ACSL3: variants seen among roughly 807,000 people sequenced by gnomAD.
ACSL3 encodes the protein acyl-CoA synthetase long chain family member 3, also known as fatty acid CoA ligase Acsl3.
ACSL3 carries 34 observed loss-of-function variants against 84.7 expected under a neutral mutation model. That is an observed-to-expected ratio of 0.40 (90% CI 0.31 to 0.53). The LOEUF (loss-of-function observed/expected upper bound fraction) is 0.53. Among genes scored for constraint, ACSL3 ranks in the 20% least tolerant of loss-of-function variants. ACSL3 has a pLI of 0.48. For synonymous variants in ACSL3, 315 were observed against 299.4 expected (o/e 1.05, Z -0.54); for missense variants, 680 against 873.1 (o/e 0.78, Z 2.79).
intron 3 of ACSL3, among the ~76,000 whole-genome samples, chr2:222,907,135 G>C (rs1325782858): frequency 6.6e-6 from 1 of 152,144 alleles, no homozygotes; most frequent in Non-Finnish European, 1.5e-5. Context: ...GGCCATCAAT[G>C]TACCCATCAG....
intron 1 of ACSL3, among the ~76,000 whole-genome samples, chr2:222,881,079 T>G (rs537640938): frequency 1.3e-5 from 2 of 151,992 alleles, no homozygotes; most frequent in Admixed American, 6.5e-5. Context: ...GAGCCGTAAA[T>G]GTAAGCCATA....
At chr2:222,903,045 A>C (rs1227658469) in intron 3 of ACSL3, among the ~76,000 whole-genome samples, 1 of 152,232 alleles carries the variant, frequency 6.6e-6, no homozygotes, top group Non-Finnish European at 1.5e-5. Flanking sequence ...AAGAAAAAAA[A>C]GTCAAATCAC....
Position 222,927,023 on chromosome 2 carries a change from T to C in ACSL3, c.1299T>C (p.Val433=). 1 of 1,611,412 alleles carries C rather than the reference T, an allele frequency of 6.2e-7. No homozygotes were observed. The highest frequency in any genetic ancestry group is 1.1e-5 in the South Asian group (1 of 90,886). Residue 433 remains valine, a synonymous_variant, in exon 12 of 17, where the codon GTT becomes GTC. Transcript: ENST00000357430. ...CTCTAATTTTTTTCTTTAGCTTTGT[T>C]TTCCGGAAAGTTCGAAGCTTGCTAG... ...GRNTPLCDSF[V]FRKVRSLLGG...
At chr2:222,870,361 CA>C in intron 1 of ACSL3, among the ~76,000 whole-genome samples, 1 of 152,102 alleles carries the variant, frequency 6.6e-6, no homozygotes, top group East Asian at 1.9e-4. Flanking sequence ...TTTGACATCT[CA>C]ATAAGCAAGA....
At chr2:222,891,257 A>C (rs1695838727) in intron 2 of ACSL3, among the ~76,000 whole-genome samples, 1 of 152,190 alleles carries the variant, frequency 6.6e-6, no homozygotes, top group Admixed American at 6.5e-5. Flanking sequence ...GTATTGTCTT[A>C]ATCAGTTTTG....
At chr2:222,921,111 G>T (rs768638316) in intron 7 of ACSL3, 169 bp from the exon 8 acceptor site, 2 of 758,426 alleles carry the variant, frequency 2.6e-6, no homozygotes, top group Admixed American at 2.0e-5. Context: ...TCTCCCATAC[G>T]TGCAGGGACT....
chr2:222,918,412 T>C (rs1017546465), intron 6 of ACSL3, among the ~76,000 whole-genome samples: 8 of 152,164 alleles, frequency 5.3e-5, no homozygotes, highest in Admixed American at 6.5e-5. Flanking sequence ...TTTTCTCTTA[T>C]TGTGCTCATC....
At position 222,933,285 on chromosome 2, in the gene ACSL3, G is replaced by A. The variant is rs779252048; in HGVS notation, c.1847+5G>A. The A allele has an allele frequency of 6.9e-6, 11 of 1,590,332 alleles. No homozygotes were observed. The South Asian group carries it at 1.1e-4, about 16-fold the overall frequency. On this transcript the variant is annotated splice_donor_5th_base_variant and intron_variant, in intron 15 of 16. Coordinates refer to ENST00000357430, the MANE Select transcript of ACSL3 (RefSeq NM_004457.5). Reference sequence around the variant, plus strand: ...CATTTGTGCATATGCAAACAGGTAAGAACGTGGAATTCATACTACTTTTAC... The same window carrying A: ...CATTTGTGCATATGCAAACAGGTAAAAACGTGGAATTCATACTACTTTTAC...
At chr2:222,911,634 C>T (rs1306388504) in intron 4 of ACSL3, among the ~76,000 whole-genome samples, 1 of 152,114 alleles carries the variant, frequency 6.6e-6, no homozygotes, top group Non-Finnish European at 1.5e-5. Context: ...GTCTTTCAGT[C>T]GTCATTCGGT....
chr2:222,911,368 CTCTGTTCTTGAG>C (rs1696436410), intron 4 of ACSL3, among the ~76,000 whole-genome samples: 1 of 152,110 alleles, frequency 6.6e-6, no homozygotes, highest in African/African-American at 2.4e-5. Context: ...TTTTATGGCA[CTCTGTTCTTGAG>C]TCTGTTTTTG....
intron 16 of ACSL3, among the ~76,000 whole-genome samples, chr2:222,938,157 GT>G (rs1697224327): frequency 6.6e-6 from 1 of 151,936 alleles, no homozygotes; most frequent in South Asian, 2.1e-4. Context: ...TTATGTCTTT[GT>G]TTTTTAAATT....
chr2:222,921,490 A>AT, intron 8 of ACSL3, 60 bp downstream of exon 8: 1 of 1,445,340 alleles, frequency 6.9e-7, no homozygotes, highest in Non-Finnish European at 9.4e-7. Flanking sequence ...TAATGTTAGC[A>AT]TTTGTGTCAT....
intron 1 of ACSL3, among the ~76,000 whole-genome samples, chr2:222,866,438 G>C (rs56937176): frequency 7.2e-5 from 11 of 152,040 alleles, no homozygotes; most frequent in African/African-American, 2.4e-4. Flanking sequence ...GAGCTACTGC[G>C]CTGACTGCAA....
intron 16 of ACSL3, among the ~76,000 whole-genome samples, chr2:222,938,872 T>A (rs1352503200): frequency 6.6e-6 from 1 of 152,176 alleles, no homozygotes; most frequent in Non-Finnish European, 1.5e-5. Context: ...AGATTCTTTT[T>A]TCTACCTGGT....
At chr2:222,899,481 A>C (rs1200215290) in intron 2 of ACSL3, among the ~76,000 whole-genome samples, 1 of 152,156 alleles carries the variant, frequency 6.6e-6, no homozygotes, top group Non-Finnish European at 1.5e-5. Context: ...TCAAAAAAGA[A>C]TAAAAAAATA....
In ACSL3 at chr2:222,942,056, CT is replaced by C. The variant is rs1347260882; in HGVS notation, c.*408del. The C allele has an allele frequency of 9.1e-6, 2 of 220,352 alleles. No individual in the cohort carries two copies. Among genetic ancestry groups the C allele is most frequent in the Non-Finnish European group, 1.8e-5 (2 of 109,880 alleles). The allele number at this position is 220,352 out of a possible 1,614,324, so 13.6% of individuals were successfully genotyped here. ...AATATAAGAATTGGTTATTTGGGGG[CT>C]TTTTTACTTACTGTATTTAAAAATA... On this transcript the variant is annotated 3_prime_UTR_variant, in exon 17 of 17. Transcript: ENST00000357430.
intron 1 of ACSL3, among the ~76,000 whole-genome samples, chr2:222,876,375 G>A (rs1357195943): frequency 2.0e-5 from 3 of 151,938 alleles, no homozygotes; most frequent in Non-Finnish European, 2.9e-5. Flanking sequence ...AGGCTGAAGT[G>A]CCATGGCACA....
In ACSL3 at chr2:222,944,293, T is replaced by C. The variant is rs923623912; in HGVS notation, c.*2639T>C. 8 of 152,158 alleles carry C rather than the reference T, an allele frequency of 5.3e-5. No homozygotes were observed. Among genetic ancestry groups the C allele is most frequent in the Non-Finnish European group, 1.0e-4 (7 of 68,012 alleles). The allele number at this position is 152,158 out of a possible 1,614,324, so 9.4% of individuals were successfully genotyped here. On this transcript the variant is annotated 3_prime_UTR_variant, in exon 17 of 17. Coordinates refer to ENST00000357430, the MANE Select transcript of ACSL3 (RefSeq NM_004457.5). The stretch of plus-strand genomic sequence containing the variant: ...TGCTAAAATACTCAAGATTTTGCCA[T>C]TTTTAAACAACCAGTCCCTGTGATA...
chr2:222,916,435 C>T lies in ACSL3; in HGVS notation c.495C>T (p.Phe165=). ...AACCAAAGACCAACATCGCCATCTT[C>T]TGTGAGACCAGGGCCGAGTGGATGA... ...GQKPKTNIAI[F]CETRAEWMIA... The change falls in exon 5 of 17, where the codon TTC becomes TTT. Residue 165 remains phenylalanine (F), a synonymous_variant. Coordinates refer to ENST00000357430, the MANE Select transcript of ACSL3 (RefSeq NM_004457.5). The T allele has an allele frequency of 6.2e-7, 1 of 1,614,068 alleles. No homozygotes were observed. Among genetic ancestry groups the T allele is most frequent in the Non-Finnish European group, 8.5e-7 (1 of 1,179,972 alleles).
Sources: allele counts gnomAD v4.1 joint callset (sites outside exome capture counted in the v4.1 genomes callset), GRCh38; gene constraint gnomAD v4.1.1; transcripts MANE v1.5; gene names NCBI Gene and HGNC (gene_info 2026-07-23, HGNC 2026-07-21).